Variants in RAB11FIP3 observed in about 807,000 individuals in gnomAD.
RAB11FIP3 encodes RAB11 family interacting protein 3, also known as rab11 family-interacting protein 3.
A neutral mutation model predicts 77.8 loss-of-function variants in RAB11FIP3; 17 were observed. That is an observed-to-expected ratio of 0.22 (90% CI 0.15 to 0.33). The LOEUF (loss-of-function observed/expected upper bound fraction) is 0.33, where lower values mean the gene tolerates loss of function less well. Ranked by LOEUF, RAB11FIP3 falls within the 10% of genes least tolerant of loss-of-function variation. The pLI, the probability that RAB11FIP3 is intolerant of heterozygous loss-of-function variation, is 1.00. For synonymous variants in RAB11FIP3, 437 were observed against 448.2 expected (o/e 0.98, Z 0.31); for missense variants, 1,005 against 1,011.2 (o/e 0.99, Z 0.08).
chr16:436,971 T>A (rs2055140228), intron 1 of RAB11FIP3, among the ~76,000 whole-genome samples: 1 of 151,958 alleles, frequency 6.6e-6, no homozygotes, highest in Admixed American at 6.6e-5. Context: ...AATAATCTGT[T>A]TTTCCTAATA....
intron 1 of RAB11FIP3, among the ~76,000 whole-genome samples, chr16:449,808 G>A (rs1307778269): frequency 2.0e-5 from 3 of 151,804 alleles, no homozygotes; most frequent in Non-Finnish European, 2.9e-5. Flanking sequence ...AAAATTAGCC[G>A]TGCGTGATGG....
At chr16:495,270 G>A (rs2031017789) in intron 5 of RAB11FIP3, among the ~76,000 whole-genome samples, 1 of 151,950 alleles carries the variant, frequency 6.6e-6, no homozygotes, top group Admixed American at 6.6e-5. Flanking sequence ...CGCCACCCAG[G>A]GCCGGGGCAG....
chr16:494,105 T>TGTTAGCCAGGCTG (rs372450944), intron 5 of RAB11FIP3, among the ~76,000 whole-genome samples: 1 of 50,148 alleles, frequency 2.0e-5, no homozygotes, highest in Non-Finnish European at 3.8e-5. Context: ...GGTTTCACCA[T>TGTTAGCCAGGCTG]GTCTCAATCT....
chr16:480,932 T>A (rs1329879818), intron 3 of RAB11FIP3, among the ~76,000 whole-genome samples: 1 of 112,726 alleles, frequency 8.9e-6, no homozygotes, highest in African/African-American at 2.7e-5. Context: ...TGCCTCAGCC[T>A]CCTGAGTAGC....
chr16:492,732 CGT>C (rs1463497716), intron 5 of RAB11FIP3, among the ~76,000 whole-genome samples: 1 of 152,110 alleles, frequency 6.6e-6, no homozygotes, highest in African/African-American at 2.4e-5. Context: ...ATGTCATCTC[CGT>C]ACATGAAAGT....
chr16:450,671 G>A (rs1320778978), intron 1 of RAB11FIP3, among the ~76,000 whole-genome samples: 1 of 152,192 alleles, frequency 6.6e-6, no homozygotes, highest in Non-Finnish European at 1.5e-5. Context: ...AAGGGACCGA[G>A]GATCTGAGTG....
At chr16:463,245 A>C (rs1425566045) in intron 2 of RAB11FIP3, among the ~76,000 whole-genome samples, 1 of 151,986 alleles carries the variant, frequency 6.6e-6, no homozygotes, top group Non-Finnish European at 1.5e-5. Context: ...GTGCAGGATA[A>C]GTAGACCTTG....
At chr16:442,787 G>A (rs2055248528) in intron 1 of RAB11FIP3, among the ~76,000 whole-genome samples, 1 of 152,136 alleles carries the variant, frequency 6.6e-6, no homozygotes, top group African/African-American at 2.4e-5. Flanking sequence ...TTTCTTGTTG[G>A]CGTAACTCTC....
chr16:492,069 C>T (rs1386595442), intron 5 of RAB11FIP3, among the ~76,000 whole-genome samples: 1 of 152,216 alleles, frequency 6.6e-6, no homozygotes, highest in Non-Finnish European at 1.5e-5. Flanking sequence ...AACTGCTTAC[C>T]TGTCTTGAGC....
At chr16:487,917 C>T (rs2056190614) in intron 4 of RAB11FIP3, among the ~76,000 whole-genome samples, 1 of 152,102 alleles carries the variant, frequency 6.6e-6, no homozygotes, top group Admixed American at 6.5e-5. Flanking sequence ...GACAGCAGCT[C>T]CCTAGGGAAG....
At chr16:510,253 T>C (rs7199808) in intron 8 of RAB11FIP3, among the ~76,000 whole-genome samples, 8,341 of 131,290 alleles carry the variant, frequency 0.064, 377 homozygotes, top group African/African-American at 0.15. Context: ...GTCCCGAGGC[T>C]CCGTGCCTCT....
In RAB11FIP3 at chr16:460,179, G is replaced by C. The variant is rs989192422; in HGVS notation, c.715-1225G>C. 3.9e-5 allele frequency among the ~76,000 whole-genome samples: 6 copies of C among 152,202 alleles called. No homozygotes were observed. In the East Asian group the frequency reaches 1.2e-3, roughly 29 times the overall value. On this transcript the variant is annotated intron_variant, in intron 1 of 13. Coordinates refer to ENST00000262305, the MANE Select transcript of RAB11FIP3 (RefSeq NM_014700.4). Reference sequence around the variant, plus strand: ...AGGTGTGAGCCACCGCACCTGGCCTGAGTTGTCTTCTTAATTATAAGATTT... The same window carrying C: ...AGGTGTGAGCCACCGCACCTGGCCTCAGTTGTCTTCTTAATTATAAGATTT...
At position 426,829 on chromosome 16, in the gene RAB11FIP3, C is replaced by A; in HGVS notation, c.714+109C>A. On this transcript the variant is annotated intron_variant, in intron 1 of 13. Coordinates refer to ENST00000262305, the MANE Select transcript of RAB11FIP3 (RefSeq NM_014700.4). The surrounding 1 kb of genome is among the most constrained non-coding windows in gnomAD (Gnocchi z 5.0). ...CCCCTGGAGTCGGGAAAGGCACTGTCAAGACCTGACGGTCCTGCTTTTTCT... is the reference window on the plus strand; with the variant it reads ...CCCCTGGAGTCGGGAAAGGCACTGTAAAGACCTGACGGTCCTGCTTTTTCT... 2.4e-6 allele frequency: 2 copies of A among 842,076 alleles called. No homozygotes were observed. Among genetic ancestry groups the A allele is most frequent in the South Asian group, 2.5e-5 (1 of 39,570 alleles). 52.2% of individuals were successfully genotyped at this position (842,076 alleles called of 1,614,324 possible). A position where few individuals can be genotyped will look rare whatever the true frequency, so the allele number is the denominator to read the frequency against.
At chr16:501,127 C>G (rs1288681899) in intron 6 of RAB11FIP3, among the ~76,000 whole-genome samples, 1 of 152,230 alleles carries the variant, frequency 6.6e-6, no homozygotes. Context: ...TGGAAATGTT[C>G]AAGCCCAGTC....
At chr16:490,347 A>G (rs1351047952) in intron 5 of RAB11FIP3, among the ~76,000 whole-genome samples, 1 of 152,168 alleles carries the variant, frequency 6.6e-6, no homozygotes, top group Non-Finnish European at 1.5e-5. Context: ...AAAATCTAAC[A>G]CTGAGTTTCG....
intron 1 of RAB11FIP3, among the ~76,000 whole-genome samples, chr16:427,789 G>A (rs1255171840): frequency 6.6e-6 from 1 of 152,122 alleles, no homozygotes; most frequent in Non-Finnish European, 1.5e-5. Flanking sequence ...GCTATTTAGG[G>A]TGTCAGTCAT....
intron 6 of RAB11FIP3, among the ~76,000 whole-genome samples, chr16:502,345 G>A (rs889030706): frequency 6.6e-6 from 1 of 152,234 alleles, no homozygotes; most frequent in Non-Finnish European, 1.5e-5. Flanking sequence ...CTGTGTCCCC[G>A]AGCCTGGCCC....
In RAB11FIP3 at chr16:514,192, A is replaced by G. The variant is rs558731128; in HGVS notation, c.1640+3392A>G. 4.9e-4 allele frequency among the ~76,000 whole-genome samples: 75 copies of G among 151,978 alleles called. No individual in the cohort carries two copies. Among genetic ancestry groups the G allele is most frequent in the African/African-American group, 1.6e-3 (65 of 41,218 alleles). On this transcript the variant is annotated intron_variant, in intron 9 of 13. Coordinates refer to ENST00000262305, the MANE Select transcript of RAB11FIP3 (RefSeq NM_014700.4). This position sits in a 1 kb window ranked among gnomAD's most constrained non-coding sequence, Gnocchi z 4.6. ...CCTGCAGCTTCCTGGAGTGGCCACC[A>G]GGAACCTTGTGGTTCTCAGGGCTGC...
At chr16:449,148 C>G (rs552413397) in intron 1 of RAB11FIP3, among the ~76,000 whole-genome samples, 1 of 152,074 alleles carries the variant, frequency 6.6e-6, no homozygotes, top group African/African-American at 2.4e-5. Context: ...TGCCGGCCCC[C>G]TGCTCACTCT....
Sources: gnomAD v4.1 joint callset for allele counts (sites outside exome capture counted in the v4.1 genomes callset) on GRCh38, gnomAD v4.1.1 for gene constraint, Gnocchi (gnomAD v3.1) non-coding constraint, MANE v1.5 for transcripts, NCBI Gene and HGNC (gene_info 2026-07-23, HGNC 2026-07-21) for gene names.